Variants in XPR1 observed in about 807,000 individuals in gnomAD.
XPR1 encodes solute carrier family 53 member 1.
A neutral mutation model predicts 87.5 loss-of-function variants in XPR1; 28 were observed. The ratio of observed to expected loss-of-function variants is 0.32; its 90% CI spans 0.24 to 0.44. The LOEUF (loss-of-function observed/expected upper bound fraction) is 0.44, where lower values mean the gene tolerates loss of function less well. Among genes scored for constraint, XPR1 ranks in the 20% least tolerant of loss-of-function variants. The pLI is 1.00. For missense variants in XPR1, 559 were observed against 862.3 expected, an observed-to-expected ratio of 0.65 and a Z score of 4.41; for synonymous variants, 300 against 306.1, an observed-to-expected ratio of 0.98 and a Z score of 0.21.
intron 2 of XPR1, among the ~76,000 whole-genome samples, chr1:180,690,015 G>T (rs1446732983): frequency 2.0e-5 from 3 of 152,018 alleles, no homozygotes; most frequent in African/African-American, 7.2e-5. Flanking sequence ...AATTAGCTGG[G>T]TGTGGTGGCG....
In XPR1 at chr1:180,810,628, A is replaced by G. The variant is rs189534195; in HGVS notation, c.682-779A>G. ...GTATAATAATGTAAGTACTATCAGA[A>G]AGTAAGCGTTCTTGTCTCCGTCATC... On this transcript the variant is annotated intron_variant, in intron 6 of 14. Coordinates refer to ENST00000367590, the MANE Select transcript of XPR1 (RefSeq NM_004736.4). Among the ~76,000 whole-genome samples the G allele has an allele frequency of 8.5e-5, 13 of 152,194 alleles. No homozygotes were observed. The East Asian group carries it at 2.5e-3, about 29-fold the overall frequency.
intron 14 of XPR1, among the ~76,000 whole-genome samples, chr1:180,881,096 G>C (rs1274235777): frequency 5.3e-5 from 8 of 152,136 alleles, no homozygotes; most frequent in Non-Finnish European, 1.2e-4. Flanking sequence ...TAATTTTGCT[G>C]AATAGATGAA....
At chr1:180,772,087 C>T (rs1648536587) in intron 2 of XPR1, among the ~76,000 whole-genome samples, 1 of 150,184 alleles carries the variant, frequency 6.7e-6, no homozygotes, top group African/African-American at 2.5e-5. Context: ...TTCTTTCTCA[C>T]ACATTTATTC....
At chr1:180,673,546 G>A (rs537592505) in intron 1 of XPR1, among the ~76,000 whole-genome samples, 1 of 152,302 alleles carries the variant, frequency 6.6e-6, no homozygotes, top group South Asian at 2.1e-4. Context: ...GTTAGGAACT[G>A]GGCCACACAG....
Position 180,884,137 on chromosome 1 carries a change from C to G in XPR1, c.*71C>G. The G allele has an allele frequency of 7.0e-7, 1 of 1,426,528 alleles. No homozygotes were observed. Among genetic ancestry groups the G allele is most frequent in the South Asian group, 1.2e-5 (1 of 81,436 alleles). The allele number at this position is 1,426,528 out of a possible 1,614,324, so 88.4% of individuals were successfully genotyped here. ...ATCCTTTCCTCGACCAACGCAACCT[C>G]TAGTACCTTTCCAGCCGAAAACAGG... On this transcript the variant is annotated 3_prime_UTR_variant, in exon 15 of 15. Coordinates refer to ENST00000367590, the MANE Select transcript of XPR1 (RefSeq NM_004736.4).
intron 2 of XPR1, among the ~76,000 whole-genome samples, chr1:180,720,685 G>A (rs950002150): frequency 6.6e-6 from 1 of 152,186 alleles, no homozygotes; most frequent in Non-Finnish European, 1.5e-5. Context: ...TACTAAATCA[G>A]AAACTTCTGG....
chr1:180,887,337 G>A lies in XPR1; in HGVS notation c.*3271G>A, dbSNP rs1332207683. 6.6e-6 allele frequency: 1 copy of A among 152,192 alleles called. No individual in the cohort carries two copies. Among genetic ancestry groups the A allele is most frequent in the Non-Finnish European group, 1.5e-5 (1 of 68,030 alleles). The allele number at this position is 152,192 out of a possible 1,614,324, so 9.4% of individuals were successfully genotyped here. A position where few individuals can be genotyped will look rare whatever the true frequency, so the allele number is the denominator to read the frequency against. ...AAATAGTCCTCAAAGGAATGAAGAGGAAGTCTAAATAAATGAATAAAACTC... is the reference window on the plus strand; with the variant it reads ...AAATAGTCCTCAAAGGAATGAAGAGAAAGTCTAAATAAATGAATAAAACTC... On this transcript the variant is annotated 3_prime_UTR_variant, in exon 15 of 15. Coordinates refer to ENST00000367590, the MANE Select transcript of XPR1 (RefSeq NM_004736.4).
At chr1:180,823,865 G>A (rs1193697526) in intron 7 of XPR1, among the ~76,000 whole-genome samples, 1 of 152,196 alleles carries the variant, frequency 6.6e-6, no homozygotes, top group Non-Finnish European at 1.5e-5. Flanking sequence ...GAGCCATTGT[G>A]ATGGTTAAAT....
intron 11 of XPR1, among the ~76,000 whole-genome samples, chr1:180,855,792 T>C (rs781654226): frequency 1.3e-5 from 2 of 152,132 alleles, no homozygotes; most frequent in South Asian, 2.1e-4. Context: ...CTTAAGAAAA[T>C]TGAGGCTATC....
chr1:180,739,121 A>T (rs1237535130), intron 2 of XPR1, among the ~76,000 whole-genome samples: 1 of 152,170 alleles, frequency 6.6e-6, no homozygotes, highest in African/African-American at 2.4e-5. Context: ...ATAATTTGTT[A>T]AAAAAGAGTC....
chr1:180,690,550 C>A (rs1313206248), intron 2 of XPR1, among the ~76,000 whole-genome samples: 1 of 152,006 alleles, frequency 6.6e-6, no homozygotes, highest in Admixed American at 6.6e-5. Context: ...TTCTACATTT[C>A]CCCCATTTTT....
intron 1 of XPR1, among the ~76,000 whole-genome samples, chr1:180,633,932 A>C (rs1654681271): frequency 6.6e-6 from 1 of 152,250 alleles, no homozygotes; most frequent in Non-Finnish European, 1.5e-5. Flanking sequence ...CTTTGGGCAG[A>C]AGTAATAGTG....
At chr1:180,797,443 G>A (rs1465294502) in intron 3 of XPR1, among the ~76,000 whole-genome samples, 1 of 152,164 alleles carries the variant, frequency 6.6e-6, no homozygotes, top group Non-Finnish European at 1.5e-5. Flanking sequence ...CAGATGGAGA[G>A]GCATTTGTGT....
At chr1:180,774,856 G>T (rs1163181661) in intron 2 of XPR1, among the ~76,000 whole-genome samples, 1 of 152,096 alleles carries the variant, frequency 6.6e-6, no homozygotes, top group Non-Finnish European at 1.5e-5. Context: ...ATTTCTCATA[G>T]TTCTGGAGGC....
At chr1:180,741,632 A>G (rs1658928166) in intron 2 of XPR1, among the ~76,000 whole-genome samples, 1 of 151,476 alleles carries the variant, frequency 6.6e-6, no homozygotes, top group South Asian at 2.1e-4. Flanking sequence ...GATTACAGGT[A>G]TGCGCCACCA....
chr1:180,755,324 G>A (rs1158482879), intron 2 of XPR1, among the ~76,000 whole-genome samples: 2 of 152,138 alleles, frequency 1.3e-5, no homozygotes, highest in African/African-American at 4.8e-5. Context: ...CAGTTAATAA[G>A]TTAAGAAGCA....
chr1:180,780,959 A>G (rs866411401), intron 2 of XPR1, among the ~76,000 whole-genome samples: 9 of 151,900 alleles, frequency 5.9e-5, no homozygotes, highest in Middle Eastern at 3.4e-3. Context: ...CAATTTTTTT[A>G]TTTGTTGCTT....
intron 2 of XPR1, among the ~76,000 whole-genome samples, chr1:180,683,970 G>A (rs7512166): frequency 0.13 from 19,669 of 151,880 alleles, 1,740 homozygotes; most frequent in African/African-American, 0.25. Flanking sequence ...AGTTTAATTC[G>A]ATCCCATTTG....
intron 2 of XPR1, among the ~76,000 whole-genome samples, chr1:180,748,397 T>G (rs1302111167): frequency 7.2e-6 from 1 of 138,412 alleles, no homozygotes; most frequent in African/African-American, 2.7e-5. Context: ...TTATTATTTA[T>G]GTCTTTTTTT....
Sources: allele counts gnomAD v4.1 joint callset (sites outside exome capture counted in the v4.1 genomes callset), GRCh38; gene constraint gnomAD v4.1.1; transcripts MANE v1.5; gene names NCBI Gene and HGNC (gene_info 2026-07-23, HGNC 2026-07-21).